Variants in SSUH2 observed in about 807,000 individuals in gnomAD.
The protein encoded by SSUH2 is ssu-2 homolog.
In SSUH2, 47 loss-of-function variants were observed where a neutral mutation model predicts 55.3. The ratio of observed to expected loss-of-function variants is 0.85; its 90% CI spans 0.67 to 1.08. SSUH2 has a LOEUF of 1.08. Ranked by LOEUF, SSUH2 falls within the 50% of genes least tolerant of loss-of-function variation. The pLI is 0.00. For missense variants in SSUH2, 535 were observed against 490.7 expected (o/e 1.09, Z -0.85); for synonymous variants, 212 against 191.5 (o/e 1.11, Z -0.89).
At chr3:8,657,367 G>A (rs1703038874) in intron 7 of SSUH2, among the ~76,000 whole-genome samples, 1 of 152,172 alleles carries the variant, frequency 6.6e-6, no homozygotes. Flanking sequence ...GGAGGCAGAG[G>A]AGTAATACAA....
At position 8,634,281 on chromosome 3, in the gene SSUH2, A is replaced by C; in HGVS notation, c.210-486T>G. The C allele has an allele frequency of 3.6e-6, 3 of 834,630 alleles. No homozygotes were observed. In the Admixed American group the frequency reaches 7.7e-5, roughly 21 times the overall value. The allele number at this position is 834,630 out of a possible 1,614,324, so 51.7% of individuals were successfully genotyped here. On this transcript the variant is annotated intron_variant, in intron 3 of 11. Transcript: ENST00000544814. ...AGGGCTGATGGCAGCGCCCATGGAG[A>C]CTCACCCTGAGGACCGTGGGTGGGA... is the stretch of plus-strand genomic sequence containing the variant.
chr3:8,660,677 C>CAATGCAGCT (rs34989491), intron 6 of SSUH2, among the ~76,000 whole-genome samples: 118,375 of 151,570 alleles, frequency 0.78, 46,422 homozygotes, highest in East Asian at 0.85. Context: ...GTTTTTCTTT[C>CAATGCAGCT]ACAAGGCCAA....
chr3:8,671,591 GAT>G (rs61422775), intron 4 of SSUH2, among the ~76,000 whole-genome samples: 105,137 of 151,860 alleles, frequency 0.69, 36,504 homozygotes, highest in East Asian at 0.78. Context: ...GTCCCGCTAG[GAT>G]ATACTGTGAA....
upstream of SSUH2, among the ~76,000 whole-genome samples, chr3:8,648,035 G>A (rs970241724): frequency 2.0e-4 from 31 of 152,174 alleles, no homozygotes; most frequent in South Asian, 1.0e-3. Context: ...GGCCCAAGTC[G>A]TGGACCTCTA....
At chr3:8,681,022 A>C (rs1309895899) in intron 1 of SSUH2, among the ~76,000 whole-genome samples, 1 of 138,756 alleles carries the variant, frequency 7.2e-6, no homozygotes, top group East Asian at 2.1e-4. Context: ...GGCAACCTCC[A>C]AGTGGCGGGG....
At chr3:8,629,579 C>G (rs1575095385) in intron 7 of SSUH2, 85 bp downstream of exon 7, 2 of 1,260,044 alleles carry the variant, frequency 1.6e-6, no homozygotes, top group East Asian at 2.4e-5. Flanking sequence ...CAGGGAGCCT[C>G]AGGCCACCAG....
At chr3:8,673,985 C>CA (rs1704921681) in intron 3 of SSUH2, among the ~76,000 whole-genome samples, 1 of 152,204 alleles carries the variant, frequency 6.6e-6, no homozygotes, top group African/African-American at 2.4e-5. Flanking sequence ...GCACATGATT[C>CA]ACATGGCTTT....
intron 1 of SSUH2, among the ~76,000 whole-genome samples, chr3:8,644,055 C>T (rs56296655): frequency 6.6e-6 from 1 of 152,222 alleles, no homozygotes; most frequent in Non-Finnish European, 1.5e-5. Context: ...AAAAATTTCC[C>T]TTTTTAAAAC....
intron 3 of SSUH2, among the ~76,000 whole-genome samples, chr3:8,673,204 A>C (rs1042956169): frequency 6.6e-6 from 1 of 152,074 alleles, no homozygotes; most frequent in African/African-American, 2.4e-5. Context: ...TTAATCATTT[A>C]TTGTTATCGT....
At chr3:8,664,837 G>A (rs1233814075) in intron 5 of SSUH2, among the ~76,000 whole-genome samples, 3 of 152,114 alleles carry the variant, frequency 2.0e-5, no homozygotes, top group African/African-American at 7.2e-5. Context: ...ACCTAAACAG[G>A]TCATTAAGAT....
chr3:8,639,920 G>C, intron 1 of SSUH2: 3 of 970,832 alleles, frequency 3.1e-6, no homozygotes, highest in Non-Finnish European at 3.7e-6. Flanking sequence ...ACAGGCACAC[G>C]TAAGTGTTAG....
At chr3:8,658,526 T>C (rs926103659) in intron 7 of SSUH2, among the ~76,000 whole-genome samples, 10 of 152,186 alleles carry the variant, frequency 6.6e-5, no homozygotes, top group Admixed American at 1.3e-4. Context: ...GTAAACTCTG[T>C]GATGCATTCT....
intron 5 of SSUH2, among the ~76,000 whole-genome samples, chr3:8,664,323 G>A (rs1009316939): frequency 2.0e-5 from 3 of 152,190 alleles, no homozygotes; most frequent in Non-Finnish European, 4.4e-5. Flanking sequence ...CAGATCCATG[G>A]GGCAGGAATG....
rs1382685339 is a variant in SSUH2 at position 8,681,136 on chromosome 3, CCCT to C, written c.-1046+752_-1046+754del. On this transcript the variant is annotated intron_variant, in intron 1 of 18. Coordinates refer to the SSUH2 transcript ENST00000317371. ...TTCTGAGAGCCAGCCCCTCTTCCCC[CCCT>C]GCCTCTTAGGACTTCCATAGCAGGG... Among the ~76,000 whole-genome samples the C allele has an allele frequency of 3.6e-4, 39 of 107,132 alleles. 1 individual carries two copies. The highest frequency in any genetic ancestry group is 7.4e-4 in the Non-Finnish European group (33 of 44,514). The allele number at this position is 107,132 out of a possible 152,430, so 70.3% of individuals were successfully genotyped here.
chr3:8,638,543 A>C (rs1700305850), intron 1 of SSUH2, among the ~76,000 whole-genome samples: 1 of 152,204 alleles, frequency 6.6e-6, no homozygotes, highest in Admixed American at 6.5e-5. Flanking sequence ...GGGTTCTGAC[A>C]TGTCACCTTG....
At chr3:8,664,273 A>T (rs1703773038) in intron 5 of SSUH2, among the ~76,000 whole-genome samples, 1 of 152,252 alleles carries the variant, frequency 6.6e-6, no homozygotes, top group African/African-American at 2.4e-5. Context: ...ACTTCAGGTC[A>T]TTGAATCCTT....
chr3:8,620,155 G>A, intron 11 of SSUH2, 141 bp from the exon 12 acceptor site: 2 of 820,404 alleles, frequency 2.4e-6, no homozygotes, highest in East Asian at 2.7e-5. Flanking sequence ...TTGGCTCTGT[G>A]TTCCCACCCA....
intron 8 of SSUH2, chr3:8,626,774 C>G (rs1329544350): frequency 6.5e-6 from 1 of 154,770 alleles, no homozygotes; most frequent in Non-Finnish European, 1.4e-5. Flanking sequence ...CTACAAGGAA[C>G]CCCCTGCCTG....
At chr3:8,668,017 C>T (rs566575837) in intron 5 of SSUH2, among the ~76,000 whole-genome samples, 2 of 152,174 alleles carry the variant, frequency 1.3e-5, no homozygotes, top group Admixed American at 1.3e-4. Flanking sequence ...ACCCCACCTC[C>T]TTACAGAAAT....
Sources: gnomAD v4.1 joint callset for allele counts (sites outside exome capture counted in the v4.1 genomes callset) on GRCh38, gnomAD v4.1.1 for gene constraint, MANE v1.5 for transcripts, NCBI Gene and HGNC (gene_info 2026-07-23, HGNC 2026-07-21) for gene names.